LBH: variants seen among roughly 807,000 people sequenced by gnomAD.
LBH encodes LBH regulator of Wnt signaling pathway.
Under a neutral mutation model 12.5 loss-of-function variants are expected in LBH, and 7 were observed. That is an observed-to-expected ratio of 0.56 (90% CI 0.32 to 1.05). The LOEUF (loss-of-function observed/expected upper bound fraction) is 1.05. Among genes scored for constraint, LBH ranks in the 50% least tolerant of loss-of-function variants. LBH has a pLI of 0.04. For missense variants in LBH, 119 were observed against 138.9 expected, an observed-to-expected ratio of 0.86 and a Z score of 0.72; for synonymous variants, 51 against 50.1, an observed-to-expected ratio of 1.02 and a Z score of -0.08.
chr2:30,239,720 G>T (rs940433664), intron 2 of LBH, among the ~76,000 whole-genome samples: 2 of 152,172 alleles, frequency 1.3e-5, no homozygotes, highest in Non-Finnish European at 2.9e-5. Context: ...GGCAGTTAGG[G>T]CCACGGGTCT....
chr2:30,257,295 CCA>C lies in LBH; in HGVS notation c.130-135_130-134del, dbSNP rs1678102348. ...TCCCGTGGCTCCCACCTTATATACT[CCA>C]CAGCCTCCCGAGTGCAAAGCACAGT... On this transcript the variant is annotated intron_variant, in intron 2 of 2. Transcript: ENST00000395323. The C allele has an allele frequency of 3.3e-5, 29 of 872,144 alleles. No homozygotes were observed. The South Asian group carries it at 4.6e-4, about 14-fold the overall frequency. 54.0% of individuals were successfully genotyped at this position (872,144 alleles called of 1,614,324 possible).
intron 2 of LBH, among the ~76,000 whole-genome samples, chr2:30,250,884 G>A (rs1015493427): frequency 6.6e-5 from 10 of 151,676 alleles, no homozygotes; most frequent in East Asian, 1.9e-4. Context: ...TGCCTTCATC[G>A]TCCGCATACT....
At chr2:30,239,071 A>G (rs1224979631) in intron 2 of LBH, among the ~76,000 whole-genome samples, 1 of 151,890 alleles carries the variant, frequency 6.6e-6, no homozygotes, top group Non-Finnish European at 1.5e-5. Flanking sequence ...TTGTATTTTT[A>G]GTAGAGACGG....
chr2:30,243,821 G>T (rs989096538), intron 2 of LBH, among the ~76,000 whole-genome samples: 1 of 151,656 alleles, frequency 6.6e-6, no homozygotes, highest in Admixed American at 6.6e-5. Context: ...GAGCCACTGC[G>T]CCTGGCCTGG....
intron 2 of LBH, among the ~76,000 whole-genome samples, chr2:30,255,415 C>T (rs1239619972): frequency 6.6e-6 from 1 of 152,194 alleles, no homozygotes; most frequent in Non-Finnish European, 1.5e-5. Flanking sequence ...GCCTCCGTGA[C>T]CCACACTGGC....
chr2:30,234,208 G>C, intron 1 of LBH, 197 bp from the exon 2 acceptor site: 1 of 574,968 alleles, frequency 1.7e-6, no homozygotes, highest in Non-Finnish European at 3.1e-6. Context: ...GGCTTTGTCT[G>C]TTGCGGCTGA....
intron 2 of LBH, among the ~76,000 whole-genome samples, chr2:30,242,364 C>T (rs892546178): frequency 4.6e-5 from 7 of 152,088 alleles, no homozygotes; most frequent in African/African-American, 1.7e-4. Context: ...CTGCCTCAGC[C>T]TCCCAAGTAG....
intron 2 of LBH, chr2:30,256,937 G>A (rs1678096313): frequency 6.0e-6 from 1 of 165,676 alleles, no homozygotes; most frequent in African/African-American, 2.4e-5. Flanking sequence ...AGCAACACCT[G>A]TTTTTCAGCA....
In LBH at chr2:30,257,895, A is replaced by T. The variant is rs1678115923; in HGVS notation, c.*274A>T. On this transcript the variant is annotated 3_prime_UTR_variant, in exon 3 of 3. Transcript: ENST00000395323. ...AGCCAGGGGGTTAGTGGGTGAGGGG[A>T]GCGAGTGCTGTTTTTGAGATCATTA... is the stretch of plus-strand genomic sequence containing the variant. 2 of 279,064 alleles carry T rather than the reference A, an allele frequency of 7.2e-6. No homozygotes were observed. The highest frequency in any genetic ancestry group is 1.3e-5 in the Non-Finnish European group (2 of 152,660). 17.3% of individuals were successfully genotyped at this position (279,064 alleles called of 1,614,324 possible).
At chr2:30,231,890 G>C (rs1261512693) in intron 1 of LBH, 126 bp downstream of exon 1, 1 of 628,884 alleles carries the variant, frequency 1.6e-6, no homozygotes, top group Non-Finnish European at 2.2e-6. Flanking sequence ...CTAACCCGCC[G>C]CCCGAGCCCG....
intron 2 of LBH, among the ~76,000 whole-genome samples, chr2:30,241,827 C>T (rs754047701): frequency 5.9e-5 from 9 of 152,102 alleles, no homozygotes; most frequent in East Asian, 1.9e-4. Context: ...TAAATCACAA[C>T]GGTTAACAAT....
rs1251735920 is a variant in LBH at position 30,259,608 on chromosome 2, G to GTA, written c.*1988_*1989dup. The GTA allele has an allele frequency of 6.6e-6, 1 of 152,568 alleles. No individual in the cohort carries two copies. The highest frequency in any genetic ancestry group is 1.5e-5 in the Non-Finnish European group (1 of 68,100). The allele number at this position is 152,568 out of a possible 1,614,324, so 9.5% of individuals were successfully genotyped here. On this transcript the variant is annotated 3_prime_UTR_variant, in exon 3 of 3. Transcript: ENST00000395323. ...CTTGCTGTGTGATGGGAACATGCTT[G>GTA]TAAACTGCGTAACAAATCTACTTTG... is the stretch of plus-strand genomic sequence containing the variant.
intron 2 of LBH, among the ~76,000 whole-genome samples, chr2:30,251,947 G>A (rs1022215752): frequency 1.2e-4 from 18 of 152,082 alleles, no homozygotes; most frequent in African/African-American, 4.3e-4. Flanking sequence ...GTGAGCTTCT[G>A]AGATGAACAA....
chr2:30,255,174 C>T lies in LBH; in HGVS notation c.130-2259C>T, dbSNP rs137926666. On this transcript the variant is annotated intron_variant, in intron 2 of 2. Coordinates refer to ENST00000395323, the MANE Select transcript of LBH (RefSeq NM_030915.4). ...TGACCTGTAGTGGGCTTCCCTCCATCGGGGTCCCTCTCACCCACTCTCAGA... is the reference window on the plus strand; with the variant it reads ...TGACCTGTAGTGGGCTTCCCTCCATTGGGGTCCCTCTCACCCACTCTCAGA... 2.9e-3 allele frequency among the ~76,000 whole-genome samples: 443 copies of T among 152,380 alleles called. 4 individuals are homozygous for T. The highest frequency in any genetic ancestry group is 0.01 in the African/African-American group (420 of 41,590).
intron 2 of LBH, among the ~76,000 whole-genome samples, chr2:30,236,298 G>C (rs1572376453): frequency 6.6e-6 from 1 of 152,224 alleles, no homozygotes; most frequent in Non-Finnish European, 1.5e-5. Context: ...AGGGAGGAAG[G>C]AGCTGGGGGA....
chr2:30,240,601 C>G (rs1193240551), intron 2 of LBH, among the ~76,000 whole-genome samples: 1 of 152,216 alleles, frequency 6.6e-6, no homozygotes, highest in Non-Finnish European at 1.5e-5. Flanking sequence ...GTTATCAGCA[C>G]ATCAAATCCT....
chr2:30,233,682 A>G (rs1189081972), intron 1 of LBH, among the ~76,000 whole-genome samples: 2 of 152,270 alleles, frequency 1.3e-5, no homozygotes, highest in South Asian at 2.1e-4. Context: ...TTGGTGGGCC[A>G]GCTTGGCCCC....
intron 2 of LBH, among the ~76,000 whole-genome samples, chr2:30,252,434 G>C (rs4952114): frequency 2.0e-5 from 3 of 152,022 alleles, no homozygotes; most frequent in African/African-American, 7.2e-5. Context: ...AGGCCAGGGC[G>C]GGCGGATCAT....
intron 1 of LBH, chr2:30,232,487 G>A: frequency 2.5e-6 from 1 of 396,206 alleles, no homozygotes; most frequent in Non-Finnish European, 4.5e-6. Flanking sequence ...GAGAGAGGCA[G>A]GCCCCTGACT....
Sources: gnomAD v4.1 joint callset for allele counts (sites outside exome capture counted in the v4.1 genomes callset) on GRCh38, gnomAD v4.1.1 for gene constraint, MANE v1.5 for transcripts, NCBI Gene and HGNC (gene_info 2026-07-23, HGNC 2026-07-21) for gene names.